Variants in CCSER1 observed in about 807,000 individuals in gnomAD.
The protein encoded by CCSER1 is serine-rich coiled-coil domain-containing protein 1.
In CCSER1, 41 loss-of-function variants were observed where a neutral mutation model predicts 82.0. That is an observed-to-expected ratio of 0.50 (90% CI 0.39 to 0.65). The LOEUF (loss-of-function observed/expected upper bound fraction) is 0.65. Among genes scored for constraint, CCSER1 ranks in the 30% least tolerant of loss-of-function variants. CCSER1 has a pLI of 0.00. For synonymous variants in CCSER1, 414 were observed against 383.9 expected (o/e 1.08, Z -0.92); for missense variants, 1,119 against 1,064.2 (o/e 1.05, Z -0.72).
intron 10 of CCSER1, among the ~76,000 whole-genome samples, chr4:91,174,822 CT>C (rs61059675): frequency 0.2 from 29,961 of 146,420 alleles, 3,138 homozygotes; most frequent in Non-Finnish European, 0.23. Context: ...TTTTTCTTTT[CT>C]TTTTTTTTTT....
At chr4:90,670,332 T>C (rs1346647886) in intron 6 of CCSER1, among the ~76,000 whole-genome samples, 1 of 152,006 alleles carries the variant, frequency 6.6e-6, no homozygotes, top group Non-Finnish European at 1.5e-5. Flanking sequence ...TTTCTCAAGA[T>C]AAAGGGAGTG....
chr4:91,163,896 G>T (rs1016517072), intron 10 of CCSER1, among the ~76,000 whole-genome samples: 2 of 152,158 alleles, frequency 1.3e-5, no homozygotes, highest in Non-Finnish European at 1.5e-5. Flanking sequence ...TTGGGAGTCT[G>T]TGTCTTTTAA....
chr4:91,409,797 C>G (rs1752921677), intron 10 of CCSER1, among the ~76,000 whole-genome samples: 2 of 152,142 alleles, frequency 1.3e-5, no homozygotes, highest in Admixed American at 1.3e-4. Context: ...ATTCTCCTGC[C>G]TCAGCCTCCT....
chr4:91,245,627 T>A (rs1560539955), intron 10 of CCSER1, among the ~76,000 whole-genome samples: 1 of 152,186 alleles, frequency 6.6e-6, no homozygotes, highest in Non-Finnish European at 1.5e-5. Context: ...AGGAGACCTG[T>A]CCTACAATAA....
intron 8 of CCSER1, among the ~76,000 whole-genome samples, chr4:90,862,141 T>C (rs1765190730): frequency 6.6e-6 from 1 of 151,740 alleles, no homozygotes; most frequent in African/African-American, 2.4e-5. Flanking sequence ...AAGATACATT[T>C]CTGAGTACAA....
intron 10 of CCSER1, among the ~76,000 whole-genome samples, chr4:91,482,244 T>G (rs1757964701): frequency 7.5e-6 from 1 of 133,470 alleles, no homozygotes; most frequent in Admixed American, 7.5e-5. Context: ...CTACTAAAAA[T>G]ACAAAAAATT....
At chr4:90,850,133 C>G (rs918087682) in intron 8 of CCSER1, among the ~76,000 whole-genome samples, 1 of 152,196 alleles carries the variant, frequency 6.6e-6, no homozygotes, top group Admixed American at 6.5e-5. Context: ...TGGTGACCTT[C>G]ACATAGTGTT....
chr4:90,224,813 A>G (rs980913860), intron 1 of CCSER1, among the ~76,000 whole-genome samples: 3 of 152,214 alleles, frequency 2.0e-5, no homozygotes, highest in African/African-American at 4.8e-5. Flanking sequence ...TAAGGGCTCC[A>G]TAAAGGCAGG....
intron 10 of CCSER1, among the ~76,000 whole-genome samples, chr4:91,471,603 G>C (rs1757279090): frequency 6.6e-6 from 1 of 152,136 alleles, no homozygotes; most frequent in African/African-American, 2.4e-5. Flanking sequence ...AGATCTGACA[G>C]CACTTGGTGG....
intron 10 of CCSER1, among the ~76,000 whole-genome samples, chr4:91,109,383 G>A (rs941226143): frequency 3.3e-5 from 5 of 151,536 alleles, no homozygotes; most frequent in Non-Finnish European, 5.9e-5. Context: ...TCTCCTAAAT[G>A]TTCTATCTCT....
chr4:91,387,754 G>T (rs1051948278), intron 10 of CCSER1, among the ~76,000 whole-genome samples: 1 of 151,988 alleles, frequency 6.6e-6, no homozygotes, highest in Non-Finnish European at 1.5e-5. Context: ...ACAGATAAGA[G>T]AGATAAGAAC....
intron 3 of CCSER1, among the ~76,000 whole-genome samples, chr4:90,384,680 T>C (rs1174077861): frequency 3.3e-5 from 5 of 152,180 alleles, no homozygotes; most frequent in African/African-American, 9.7e-5. Flanking sequence ...TCTGTTCCAG[T>C]CATCCAAGGC....
At chr4:90,822,727 CAAAAAA>C (rs58985334) in intron 8 of CCSER1, among the ~76,000 whole-genome samples, 5 of 76,838 alleles carry the variant, frequency 6.5e-5, no homozygotes, top group Non-Finnish European at 1.0e-4. Context: ...GACTCCATCT[CAAAAAA>C]AAAAAAAAAA....
At chr4:90,943,413 A>G (rs952020151) in intron 9 of CCSER1, among the ~76,000 whole-genome samples, 3 of 152,348 alleles carry the variant, frequency 2.0e-5, no homozygotes, top group Middle Eastern at 3.4e-3. Context: ...TTGTAGCTAC[A>G]TGAATTTTAA....
chr4:91,570,013 A>G (rs1029854699), intron 10 of CCSER1, among the ~76,000 whole-genome samples: 1 of 152,084 alleles, frequency 6.6e-6, no homozygotes, highest in East Asian at 1.9e-4. Context: ...CCCATTCCAA[A>G]TGGGAGAAAT....
At chr4:90,225,650 T>C (rs1247224047) in intron 1 of CCSER1, among the ~76,000 whole-genome samples, 1 of 152,120 alleles carries the variant, frequency 6.6e-6, no homozygotes, top group Non-Finnish European at 1.5e-5. Flanking sequence ...AGCTATACAG[T>C]TAGGTTATTG....
At chr4:90,327,686 TA>T (rs1204049543) in intron 3 of CCSER1, among the ~76,000 whole-genome samples, 1 of 152,112 alleles carries the variant, frequency 6.6e-6, no homozygotes, top group African/African-American at 2.4e-5. Flanking sequence ...AATTCCGTGT[TA>T]GGGGGACTGT....
chr4:90,158,663 GC>G (rs1728818216), intron 1 of CCSER1, among the ~76,000 whole-genome samples: 1 of 152,198 alleles, frequency 6.6e-6, no homozygotes, highest in African/African-American at 2.4e-5. Context: ...GACTCCGTGG[GC>G]GTAGGACCCT....
intron 4 of CCSER1, among the ~76,000 whole-genome samples, chr4:90,458,498 A>G (rs1028962308): frequency 4.6e-5 from 7 of 152,056 alleles, no homozygotes; most frequent in Non-Finnish European, 8.8e-5. Flanking sequence ...GACTACAGAC[A>G]TGTGCCACCA....
Sources: allele counts gnomAD v4.1 joint callset (sites outside exome capture counted in the v4.1 genomes callset), GRCh38; gene constraint gnomAD v4.1.1; transcripts MANE v1.5; gene names NCBI Gene and HGNC (gene_info 2026-07-23, HGNC 2026-07-21).